The following EXOC4 variants were observed in gnomAD, a reference collection of about 807,000 sequenced individuals.
The protein encoded by EXOC4 is SEC8-like 1.
A neutral mutation model predicts 107.2 loss-of-function variants in EXOC4; 71 were observed. The observed-to-expected ratio is 0.66, with a 90% CI of 0.55 to 0.81. The LOEUF (loss-of-function observed/expected upper bound fraction) is 0.81, where lower values mean the gene tolerates loss of function less well. EXOC4 is among the 30% of genes least tolerant of loss of function. EXOC4 has a pLI of 0.00. For missense variants in EXOC4, 1,108 were observed against 1,189.6 expected (o/e 0.93, Z 1.01); for synonymous variants, 456 against 441.2 (o/e 1.03, Z -0.42).
intron 11 of EXOC4, among the ~76,000 whole-genome samples, chr7:133,889,090 T>C (rs1483409624): frequency 5.9e-5 from 9 of 152,206 alleles, no homozygotes; most frequent in Non-Finnish European, 1.2e-4. Flanking sequence ...AATAGATTGA[T>C]GGTTTTGAAA....
At chr7:134,084,368 A>T in the EXOC4 span, among the ~76,000 whole-genome samples, 1 of 152,310 alleles carries the variant, frequency 6.6e-6, no homozygotes, top group Non-Finnish European at 1.5e-5. Context: ...GGCATCATGA[A>T]CTACACAAAA....
At chr7:133,631,143 G>A (rs998925385) in intron 10 of EXOC4, among the ~76,000 whole-genome samples, 1 of 152,064 alleles carries the variant, frequency 6.6e-6, no homozygotes, top group Non-Finnish European at 1.5e-5. Flanking sequence ...TGTTTTCTCT[G>A]TAAAGAACCA....
chr7:133,957,553 A>C (rs1800845029), intron 14 of EXOC4, among the ~76,000 whole-genome samples: 1 of 152,208 alleles, frequency 6.6e-6, no homozygotes, highest in African/African-American at 2.4e-5. Context: ...CTTAAATGTT[A>C]ATGTGGCATT....
At chr7:133,282,326 A>G (rs979694706) in intron 2 of EXOC4, among the ~76,000 whole-genome samples, 1 of 152,198 alleles carries the variant, frequency 6.6e-6, no homozygotes. Flanking sequence ...CTATTGCTGA[A>G]TAGGTGATTA....
intron 9 of EXOC4, among the ~76,000 whole-genome samples, chr7:133,600,921 C>T (rs1801790749): frequency 6.6e-6 from 1 of 152,118 alleles, no homozygotes; most frequent in Non-Finnish European, 1.5e-5. Flanking sequence ...GCAGTATCAA[C>T]TATGTATAGA....
chr7:133,952,421 CACTT>C (rs892914374), intron 14 of EXOC4, among the ~76,000 whole-genome samples: 1 of 152,158 alleles, frequency 6.6e-6, no homozygotes, highest in African/African-American at 2.4e-5. Flanking sequence ...CCTAATAACA[CACTT>C]ACAGGAATTC....
Position 134,007,689 on chromosome 7 carries a change from G to A in EXOC4, c.2541G>A (p.Leu847=). The A allele has an allele frequency of 1.2e-6, 2 of 1,613,176 alleles. No individual in the cohort carries two copies. Among genetic ancestry groups the A allele is most frequent in the Non-Finnish European group, 1.7e-6 (2 of 1,179,522 alleles). ...FQYIFEGLGH[L]ISCILINGAQ... Reference sequence around the variant, plus strand: ...CTGACCCCTCAGGCCTGGGCCACCTGATCTCCTGCATCCTCATTAATGGTG... The same window carrying A: ...CTGACCCCTCAGGCCTGGGCCACCTAATCTCCTGCATCCTCATTAATGGTG... The change falls in exon 17 of 18, where the codon CTG becomes CTA. Residue 847 remains leucine (L), a synonymous_variant. Transcript: ENST00000253861.
intron 10 of EXOC4, among the ~76,000 whole-genome samples, chr7:133,666,877 C>T (rs1793828842): frequency 6.6e-6 from 1 of 152,160 alleles, no homozygotes; most frequent in African/African-American, 2.4e-5. Flanking sequence ...TATCATCTCT[C>T]TGTCTCTTTT....
Position 133,480,109 on chromosome 7 carries a change from A to C in EXOC4, c.1388A>C (p.Glu463Ala), listed in dbSNP as rs1799118255. 1.5e-5 allele frequency: 24 copies of C among 1,613,908 alleles called. No individual in the cohort carries two copies. The highest frequency in any genetic ancestry group is 2.0e-5 in the Non-Finnish European group (24 of 1,179,950). ...MSAYLREQRR[E>A]LYSRSGELQG... Reference sequence around the variant, plus strand: ...GCCTATCTGCGAGAACAGAGAAGGGAGCTCTATAGTCGGAGTGGAGAACTG... The same window carrying C: ...GCCTATCTGCGAGAACAGAGAAGGGCGCTCTATAGTCGGAGTGGAGAACTG... Residue 463 changes from glutamate (E) to alanine (A), a missense_variant, in exon 9 of 18, where the codon GAG becomes GCG. Glu to Ala is a moderately radical substitution (Grantham distance 107). Transcript: ENST00000253861.
intron 11 of EXOC4, among the ~76,000 whole-genome samples, chr7:133,884,581 C>CTGTGTGTGTGTGTGTGTGTGTG (rs34350149): frequency 1.4e-5 from 2 of 143,632 alleles, no homozygotes; most frequent in African/African-American, 5.2e-5. Flanking sequence ...GCCCTATGCT[C>CTGTGTGTGTGTGTGTGTGTGTG]TGTGTGTGTG....
intron 14 of EXOC4, among the ~76,000 whole-genome samples, chr7:133,965,030 C>T (rs1010593994): frequency 5.3e-5 from 8 of 152,104 alleles, no homozygotes; most frequent in Non-Finnish European, 1.2e-4. Flanking sequence ...TTGTAACTGG[C>T]GTGAGATGGT....
chr7:133,684,253 A>C (rs1026874961), intron 10 of EXOC4, among the ~76,000 whole-genome samples: 73 of 152,308 alleles, frequency 4.8e-4, no homozygotes, highest in Middle Eastern at 3.4e-3. Context: ...CATGATAAAA[A>C]GGTTATTTAA....
In EXOC4 at chr7:133,896,828, G is replaced by T. The variant is rs1171013640; in HGVS notation, c.1871+1093G>T. Among the ~76,000 whole-genome samples the T allele has an allele frequency of 8.0e-5, 7 of 87,640 alleles. No individual in the cohort carries two copies. In the East Asian group the frequency reaches 1.5e-3, roughly 19 times the overall value. 57.5% of individuals were successfully genotyped at this position (87,640 alleles called of 152,430 possible). On this transcript the variant is annotated intron_variant, in intron 12 of 17. Coordinates refer to ENST00000253861, the MANE Select transcript of EXOC4 (RefSeq NM_021807.4). The stretch of plus-strand genomic sequence containing the variant: ...CTACAGGTGCGCGCCACCATGTCTG[G>T]CTATTTTTGTATTTTTAGTAGAGAT...
At chr7:133,765,191 G>A (rs1796110954) in intron 10 of EXOC4, among the ~76,000 whole-genome samples, 1 of 151,924 alleles carries the variant, frequency 6.6e-6, no homozygotes, top group Non-Finnish European at 1.5e-5. Flanking sequence ...CTTAGGGAGG[G>A]TTTACACTTT....
chr7:133,427,028 A>G (rs1290005056), intron 7 of EXOC4, among the ~76,000 whole-genome samples: 1 of 152,178 alleles, frequency 6.6e-6, no homozygotes, highest in African/African-American at 2.4e-5. Context: ...CTTAGCATCC[A>G]ATGTGACTCT....
chr7:133,895,726 C>A lies in EXOC4; in HGVS notation c.1862C>A (p.Ala621Glu), dbSNP rs145963456. Residue 621 changes from alanine to glutamate, a missense_variant, in exon 12 of 18, where the codon GCA (alanine) becomes GAA (glutamate). Transcript: ENST00000253861. Reference sequence around the variant, plus strand: ...CAGGAGTACAAGGACACCTGCACTGCAGCTTACAGGTAGAGCTTCTGTTAG... The same window carrying A: ...CAGGAGTACAAGGACACCTGCACTGAAGCTTACAGGTAGAGCTTCTGTTAG... Reference protein sequence around the residue: ...KLQEYKDTCTAAYRGIVQSEE... With the variant: ...KLQEYKDTCTEAYRGIVQSEE... The A allele has an allele frequency of 4.2e-5, 67 of 1,613,708 alleles. No homozygotes were observed. The highest frequency in any genetic ancestry group is 5.5e-5 in the Non-Finnish European group (65 of 1,179,866).
At chr7:133,760,630 A>G (rs1365049776) in intron 10 of EXOC4, among the ~76,000 whole-genome samples, 1 of 151,952 alleles carries the variant, frequency 6.6e-6, no homozygotes, top group Non-Finnish European at 1.5e-5. Flanking sequence ...ACCTCGCACC[A>G]TTCTGGAGCT....
intron 1 of EXOC4, among the ~76,000 whole-genome samples, chr7:133,274,666 A>G (rs1295776233): frequency 1.3e-5 from 2 of 152,186 alleles, no homozygotes; most frequent in African/African-American, 4.8e-5. Context: ...AGGAGAATGG[A>G]ACAGTTCACT....
At chr7:133,708,312 GAACA>G (rs2151093673) in intron 10 of EXOC4, among the ~76,000 whole-genome samples, 1 of 152,282 alleles carries the variant, frequency 6.6e-6, no homozygotes, top group Non-Finnish European at 1.5e-5. Context: ...GTTTGGGAAA[GAACA>G]AACATTTTAG....
Sources: allele counts gnomAD v4.1 joint callset (sites outside exome capture counted in the v4.1 genomes callset), GRCh38; gene constraint gnomAD v4.1.1; transcripts MANE v1.5; gene names NCBI Gene and HGNC (gene_info 2026-07-23, HGNC 2026-07-21).